Variants in XYLT1 observed in about 807,000 individuals in gnomAD.
XYLT1 encodes beta-D-xylosyltransferase 1.
XYLT1 carries 36 observed loss-of-function variants against 91.3 expected under a neutral mutation model. The ratio of observed to expected loss-of-function variants is 0.39; its 90% CI spans 0.30 to 0.52. The LOEUF is 0.52. XYLT1 is among the 20% of genes least tolerant of loss of function. The probability of loss-of-function intolerance (pLI) is 0.68; values close to 1 mark genes in which losing one functional copy is unlikely to be tolerated. For synonymous variants in XYLT1, 588 were observed against 532.0 expected, an observed-to-expected ratio of 1.11 and a Z score of -1.45; for missense variants, 1,242 against 1,284.5, an observed-to-expected ratio of 0.97 and a Z score of 0.51.
intron 2 of XYLT1, among the ~76,000 whole-genome samples, chr16:17,293,243 G>A (rs1411653798): frequency 1.6e-4 from 25 of 152,090 alleles, no homozygotes; most frequent in Non-Finnish European, 1.5e-5. Context: ...GGGTATCATG[G>A]CATCCCCGAG....
Position 17,319,220 on chromosome 16 carries a change from A to C in XYLT1, c.402+38792T>G, listed in dbSNP as rs553557744. 2.6e-5 allele frequency among the ~76,000 whole-genome samples: 4 copies of C among 152,336 alleles called. No homozygotes were observed. In the East Asian group the frequency reaches 7.7e-4, roughly 29 times the overall value. On this transcript the variant is annotated intron_variant, in intron 2 of 11. Coordinates refer to ENST00000261381, the MANE Select transcript of XYLT1 (RefSeq NM_022166.4). The stretch of plus-strand genomic sequence containing the variant: ...GGCTTACTTTCAAGGCCACAGAAAG[A>C]AATACATGAAAAAAAATCTATCAGA...
intron 3 of XYLT1, among the ~76,000 whole-genome samples, chr16:17,256,409 T>A (rs1460895218): frequency 6.6e-6 from 1 of 152,024 alleles, no homozygotes; most frequent in Non-Finnish European, 1.5e-5. Context: ...TCCCAGCACT[T>A]TGGGGGGCCG....
intron 1 of XYLT1, among the ~76,000 whole-genome samples, chr16:17,450,873 T>C (rs1328138873): frequency 6.6e-6 from 1 of 152,124 alleles, no homozygotes; most frequent in Non-Finnish European, 1.5e-5. Flanking sequence ...ACCCTCAAAA[T>C]CAAACACCTT....
chr16:17,429,213 C>T (rs191316727), intron 1 of XYLT1, among the ~76,000 whole-genome samples: 3 of 152,188 alleles, frequency 2.0e-5, no homozygotes, highest in South Asian at 2.1e-4. Context: ...TTTGAAACCC[C>T]CTCTGTCCAA....
At chr16:17,346,156 G>A (rs2035141384) in intron 2 of XYLT1, among the ~76,000 whole-genome samples, 1 of 152,164 alleles carries the variant, frequency 6.6e-6, no homozygotes, top group Non-Finnish European at 1.5e-5. Context: ...AGGGATCGCT[G>A]GCGTGTGGAA....
intron 1 of XYLT1, among the ~76,000 whole-genome samples, chr16:17,413,554 C>T (rs2036140865): frequency 6.6e-6 from 1 of 151,716 alleles, no homozygotes; most frequent in African/African-American, 2.4e-5. Flanking sequence ...CAATCAACCT[C>T]AGTGTTCGGA....
At chr16:17,191,319 A>T (rs1369476490) in intron 5 of XYLT1, among the ~76,000 whole-genome samples, 1 of 152,234 alleles carries the variant, frequency 6.6e-6, no homozygotes, top group African/African-American at 2.4e-5. Context: ...CCACTTTAGC[A>T]GACTAAAGGG....
In XYLT1 at chr16:17,348,904, T is replaced by C. The variant is rs565598126; in HGVS notation, c.402+9108A>G. Among the ~76,000 whole-genome samples, 99 of 152,316 alleles carry C rather than the reference T, an allele frequency of 6.5e-4. 2 individuals are homozygous for C. The South Asian group carries it at 9.1e-3, about 14-fold the overall frequency. On this transcript the variant is annotated intron_variant, in intron 2 of 11. Transcript: ENST00000261381. ...CTTCAGCTTCAAAGATCTTGGTGCG[T>C]GTGCTATTTATGCCAAATGTTAGTG... is the stretch of plus-strand genomic sequence containing the variant.
chr16:17,469,858 A>C (rs2036957488), intron 1 of XYLT1, among the ~76,000 whole-genome samples: 1 of 152,158 alleles, frequency 6.6e-6, no homozygotes, highest in African/African-American at 2.4e-5. Context: ...AAACATCCAG[A>C]GAAGAGAAAC....
At chr16:17,216,460 C>T (rs1032675764) in intron 3 of XYLT1, among the ~76,000 whole-genome samples, 28 of 152,288 alleles carry the variant, frequency 1.8e-4, no homozygotes, top group Admixed American at 1.4e-3. Context: ...TTAACGCTGC[C>T]TCCTGATCAT....
At chr16:17,252,398 G>T (rs933501161) in intron 3 of XYLT1, among the ~76,000 whole-genome samples, 4 of 152,054 alleles carry the variant, frequency 2.6e-5, no homozygotes, top group African/African-American at 7.3e-5. Flanking sequence ...AAACACTAGG[G>T]GTTCCAGTTG....
At chr16:17,391,024 C>T (rs1008534851) in intron 1 of XYLT1, among the ~76,000 whole-genome samples, 4 of 151,946 alleles carry the variant, frequency 2.6e-5, no homozygotes, top group South Asian at 2.1e-4. Context: ...GGCGACAGAG[C>T]GAGACTCCTT....
chr16:17,428,811 C>A (rs528408512), intron 1 of XYLT1, among the ~76,000 whole-genome samples: 3 of 152,296 alleles, frequency 2.0e-5, no homozygotes, highest in South Asian at 2.1e-4. Context: ...GATTAACAAT[C>A]TTTCAGAGAG....
At chr16:17,132,740 TAAAAATAC>T (rs1204586188) in intron 9 of XYLT1, among the ~76,000 whole-genome samples, 1 of 152,092 alleles carries the variant, frequency 6.6e-6, no homozygotes, top group Admixed American at 6.6e-5. Flanking sequence ...CTGTCTCTAC[TAAAAATAC>T]AAAAATTAGC....
At chr16:17,177,242 C>T (rs531607002) in intron 5 of XYLT1, among the ~76,000 whole-genome samples, 1 of 152,268 alleles carries the variant, frequency 6.6e-6, no homozygotes, top group South Asian at 2.1e-4. Context: ...CTGCCCATCT[C>T]CTTCTTAGTT....
intron 1 of XYLT1, among the ~76,000 whole-genome samples, chr16:17,372,192 G>A (rs2035544107): frequency 6.6e-6 from 1 of 152,162 alleles, no homozygotes; most frequent in African/African-American, 2.4e-5. Flanking sequence ...ATTCACGCAG[G>A]AGCATCTTTA....
intron 2 of XYLT1, among the ~76,000 whole-genome samples, chr16:17,284,007 G>C (rs1387422711): frequency 2.0e-5 from 3 of 152,182 alleles, no homozygotes. Context: ...GGTCCTCACA[G>C]TTCCAGCTCA....
At chr16:17,286,663 CTCA>C (rs1363336347) in intron 2 of XYLT1, among the ~76,000 whole-genome samples, 1 of 151,660 alleles carries the variant, frequency 6.6e-6, no homozygotes, top group Non-Finnish European at 1.5e-5. Context: ...CATCATCATC[CTCA>C]TCATCATCAT....
intron 3 of XYLT1, among the ~76,000 whole-genome samples, chr16:17,206,421 G>A (rs764071346): frequency 7.9e-5 from 12 of 152,020 alleles, no homozygotes; most frequent in Non-Finnish European, 1.8e-4. Context: ...GCTGTGTGGC[G>A]ACAAGCATAC....
Sources: gnomAD v4.1 joint callset for allele counts (sites outside exome capture counted in the v4.1 genomes callset) on GRCh38, gnomAD v4.1.1 for gene constraint, MANE v1.5 for transcripts, NCBI Gene and HGNC (gene_info 2026-07-23, HGNC 2026-07-21) for gene names.